Variants in ARHGEF3 observed in about 807,000 individuals in gnomAD.
ARHGEF3 encodes Rho guanine nucleotide exchange factor 3, also known as 59.8 kDA protein.
ARHGEF3 carries 28 observed loss-of-function variants against 63.2 expected under a neutral mutation model. The observed-to-expected ratio is 0.44, with a 90% confidence interval of 0.33 to 0.61. The LOEUF (loss-of-function observed/expected upper bound fraction) is 0.61, where lower values mean the gene tolerates loss of function less well. ARHGEF3 is among the 20% of genes least tolerant of loss of function. ARHGEF3 has a pLI of 0.03. For synonymous variants in ARHGEF3, 266 were observed against 254.2 expected (o/e 1.05, Z -0.44); for missense variants, 533 against 659.3 (o/e 0.81, Z 2.10).
intron 4 of ARHGEF3, among the ~76,000 whole-genome samples, chr3:56,846,351 T>A (rs1453700197): frequency 6.6e-6 from 1 of 152,214 alleles, no homozygotes; most frequent in Non-Finnish European, 1.5e-5. Flanking sequence ...GATCATGGTC[T>A]TATAGCTCAG....
intron 8 of ARHGEF3, 84 bp downstream of exon 8, chr3:56,737,099 GAA>G: frequency 7.2e-7 from 1 of 1,380,672 alleles, no homozygotes; most frequent in Non-Finnish European, 9.8e-7. Flanking sequence ...CCTAGATAGG[GAA>G]GAAATTCTAA....
intron 3 of ARHGEF3, among the ~76,000 whole-genome samples, chr3:56,935,974 C>T (rs753413713): frequency 2.0e-5 from 3 of 152,164 alleles, no homozygotes; most frequent in Non-Finnish European, 4.4e-5. Flanking sequence ...TGGTGAGTGA[C>T]AGATCCATTT....
intron 2 of ARHGEF3, among the ~76,000 whole-genome samples, chr3:56,987,177 A>G (rs1701576426): frequency 6.6e-6 from 1 of 152,136 alleles, no homozygotes; most frequent in African/African-American, 2.4e-5. Context: ...GTCCCACTAT[A>G]CTCCAGCCTG....
intron 4 of ARHGEF3, among the ~76,000 whole-genome samples, chr3:56,830,675 T>C (rs757333888): frequency 2.0e-5 from 3 of 152,154 alleles, no homozygotes. Context: ...GCTGTTCGCC[T>C]CTCAGCCCCC....
chr3:56,877,651 G>A (rs889757121), intron 4 of ARHGEF3, among the ~76,000 whole-genome samples: 1 of 152,052 alleles, frequency 6.6e-6, no homozygotes, highest in African/African-American at 2.4e-5. Context: ...GGGATTATAG[G>A]CCCACTATGC....
intron 2 of ARHGEF3, among the ~76,000 whole-genome samples, chr3:56,981,148 T>C (rs775890765): frequency 1.1e-4 from 16 of 152,212 alleles, no homozygotes; most frequent in Non-Finnish European, 1.6e-4. Context: ...CAAGATAAGA[T>C]ATAACCATTA....
chr3:56,862,747 CTGAG>C (rs2040121356), intron 4 of ARHGEF3, among the ~76,000 whole-genome samples: 1 of 152,198 alleles, frequency 6.6e-6, no homozygotes, highest in African/African-American at 2.4e-5. Flanking sequence ...GTGGTTGCAG[CTGAG>C]CATGCCTGTT....
intron 1 of ARHGEF3, chr3:57,073,946 A>T: frequency 6.2e-7 from 1 of 1,614,216 alleles, no homozygotes; most frequent in South Asian, 1.1e-5. Context: ...CCTGTCAGAG[A>T]TATTTACAAG....
intron 1 of ARHGEF3, among the ~76,000 whole-genome samples, chr3:57,064,791 G>A (rs965669079): frequency 1.3e-5 from 2 of 152,172 alleles, no homozygotes; most frequent in Admixed American, 6.5e-5. Flanking sequence ...GGGCAGGGGG[G>A]AATGGGAGTT....
At chr3:56,931,025 A>C (rs1370257426) in intron 3 of ARHGEF3, among the ~76,000 whole-genome samples, 1 of 152,174 alleles carries the variant, frequency 6.6e-6, no homozygotes, top group Non-Finnish European at 1.5e-5. Flanking sequence ...TCAAGACTGG[A>C]AGAATAAGGC....
At chr3:56,924,352 A>C (rs2042224614) in intron 3 of ARHGEF3, among the ~76,000 whole-genome samples, 1 of 152,226 alleles carries the variant, frequency 6.6e-6, no homozygotes, top group South Asian at 2.1e-4. Flanking sequence ...AAAGCTGCTG[A>C]GGCCCAGCGA....
chr3:57,015,994 TG>T (rs1702983395), intron 2 of ARHGEF3, among the ~76,000 whole-genome samples: 1 of 152,076 alleles, frequency 6.6e-6, no homozygotes, highest in Non-Finnish European at 1.5e-5. Context: ...GGGGTCCACC[TG>T]GGTGCGTCCT....
At chr3:56,903,311 G>C (rs1038981359) in intron 3 of ARHGEF3, among the ~76,000 whole-genome samples, 1 of 152,192 alleles carries the variant, frequency 6.6e-6, no homozygotes, top group Non-Finnish European at 1.5e-5. Flanking sequence ...CAAGGCTAGA[G>C]GGAGAGTCAC....
intron 3 of ARHGEF3, among the ~76,000 whole-genome samples, chr3:56,945,613 G>C (rs1269519818): frequency 2.6e-5 from 4 of 152,196 alleles, no homozygotes; most frequent in Non-Finnish European, 5.9e-5. Context: ...GCTTGAGTAG[G>C]TAAACAAAGC....
At position 56,914,575 on chromosome 3, in the gene ARHGEF3, G is replaced by A. The variant is rs540939139; in HGVS notation, c.130-32221C>T. 9.2e-5 allele frequency among the ~76,000 whole-genome samples: 14 copies of A among 152,270 alleles called. No individual in the cohort carries two copies. In the South Asian group the frequency reaches 1.0e-3, roughly 11 times the overall value. ...CTACATATAATCATGCAATAGTGTC[G>A]TATATTCACAGAGAAATTGAGTATT... On this transcript the variant is annotated intron_variant, in intron 3 of 12. Transcript: ENST00000338458.
chr3:56,775,787 C>T, intron 1 of ARHGEF3: 1 of 417,600 alleles, frequency 2.4e-6, no homozygotes, highest in Non-Finnish European at 3.0e-6. Context: ...TACACACACA[C>T]ACACACGCGC....
chr3:56,903,200 C>T (rs1036339231), intron 3 of ARHGEF3, among the ~76,000 whole-genome samples: 2 of 151,972 alleles, frequency 1.3e-5, no homozygotes, highest in African/African-American at 4.8e-5. Context: ...TAGGGGTCAT[C>T]GTGGGAGAGG....
chr3:57,034,429 T>C (rs1475397909), intron 2 of ARHGEF3, among the ~76,000 whole-genome samples: 1 of 151,986 alleles, frequency 6.6e-6, no homozygotes, highest in Non-Finnish European at 1.5e-5. Context: ...GCACAACACA[T>C]CCAAGCATGG....
At chr3:56,778,533 T>C (rs145276747) in intron 1 of ARHGEF3, among the ~76,000 whole-genome samples, 16 of 152,376 alleles carry the variant, frequency 1.1e-4, no homozygotes, top group African/African-American at 3.4e-4. Flanking sequence ...ATAGTTTTCA[T>C]GTCACAAAAT....
Sources: allele counts gnomAD v4.1 joint callset (sites outside exome capture counted in the v4.1 genomes callset), GRCh38; gene constraint gnomAD v4.1.1; transcripts MANE v1.5; gene names NCBI Gene and HGNC (gene_info 2026-07-23, HGNC 2026-07-21).